The following DGKI variants were observed in gnomAD, a reference collection of about 807,000 sequenced individuals.
The protein encoded by DGKI is diacylglycerol kinase iota.
In DGKI, 55 loss-of-function variants were observed where a neutral mutation model predicts 147.5. That is an observed-to-expected ratio of 0.37 (90% CI 0.30 to 0.47). The LOEUF is 0.47. Among genes scored for constraint, DGKI ranks in the 20% least tolerant of loss-of-function variants. DGKI has a pLI of 1.00. For synonymous variants in DGKI, 469 were observed against 477.1 expected (o/e 0.98, Z 0.22); for missense variants, 1,007 against 1,323.8 (o/e 0.76, Z 3.71).
At chr7:137,467,045 G>T in intron 24 of DGKI, 103 bp from the exon 25 acceptor site, 1 of 1,052,246 alleles carries the variant, frequency 9.5e-7, no homozygotes, top group Non-Finnish European at 1.5e-6. Context: ...CTACATGGCA[G>T]TCATGCTAGT....
chr7:137,795,411 C>G (rs1253851446), intron 1 of DGKI, among the ~76,000 whole-genome samples: 1 of 152,188 alleles, frequency 6.6e-6, no homozygotes, highest in Non-Finnish European at 1.5e-5. Flanking sequence ...CTGGGAAATT[C>G]TCATTCACAT....
intron 28 of DGKI, 145 bp from the exon 29 acceptor site, chr7:137,412,352 G>A (rs562878010): frequency 2.7e-6 from 2 of 750,440 alleles, no homozygotes; most frequent in South Asian, 3.2e-5. Context: ...AGCAGACCGA[G>A]GCCCCCTCTT....
chr7:137,405,291 G>A (rs1200923888), intron 30 of DGKI, among the ~76,000 whole-genome samples: 9 of 152,026 alleles, frequency 5.9e-5, no homozygotes, highest in Admixed American at 5.9e-4. Flanking sequence ...AGCTGCCCAG[G>A]CTGGAGTGCA....
chr7:137,798,574 C>T lies in DGKI; in HGVS notation c.401+47888G>A, dbSNP rs551082630. On this transcript the variant is annotated intron_variant, in intron 1 of 32. Transcript: ENST00000614521. The stretch of plus-strand genomic sequence containing the variant: ...GTAGCTGGCCACAGGTGTGCACCAT[C>T]ACGCCTAGCTAATTTTTGTATTTTT... Among the ~76,000 whole-genome samples, 110 of 152,198 alleles carry T rather than the reference C, an allele frequency of 7.2e-4. 2 individuals are homozygous for T. Among genetic ancestry groups the T allele is most frequent in the Middle Eastern group, 3.4e-3 (1 of 294 alleles).
chr7:137,615,498 T>C (rs1436635686), intron 8 of DGKI, among the ~76,000 whole-genome samples: 1 of 151,448 alleles, frequency 6.6e-6, no homozygotes, highest in South Asian at 2.1e-4. Flanking sequence ...TGATAGAATA[T>C]AGATACATAT....
At position 137,599,879 on chromosome 7, in the gene DGKI, C is replaced by A; in HGVS notation, c.1194G>T (p.Met398Ile). The A allele has an allele frequency of 6.2e-7, 1 of 1,613,860 alleles. No homozygotes were observed. Among genetic ancestry groups the A allele is most frequent in the Admixed American group, 1.7e-5 (1 of 60,028 alleles). ...NQGTKVLQMF[M>I]WYLNPRQVFD... is the part of the protein sequence containing the mutation. ...AGACTTGCCGTGGATTCAGGTACCA[C>A]ATGAACATCTGCAGGACTTTGGTTC... The change falls in exon 11 of 33, where the codon ATG becomes ATT. Residue 398 changes from methionine (M) to isoleucine (I), a missense_variant. Met to Ile is a conservative substitution (Grantham distance 10). Coordinates refer to ENST00000614521, the MANE Select transcript of DGKI (RefSeq NM_001321708.2).
At chr7:137,780,109 CA>C (rs1370063813) in intron 1 of DGKI, among the ~76,000 whole-genome samples, 1 of 152,168 alleles carries the variant, frequency 6.6e-6, no homozygotes, top group African/African-American at 2.4e-5. Context: ...TGTATTCTTA[CA>C]AACACTGTTT....
At chr7:137,793,915 A>G (rs962032812) in intron 1 of DGKI, among the ~76,000 whole-genome samples, 2 of 152,240 alleles carry the variant, frequency 1.3e-5, no homozygotes, top group African/African-American at 4.8e-5. Context: ...AAATTTAAAT[A>G]CAAACTCCTA....
intron 19 of DGKI, among the ~76,000 whole-genome samples, chr7:137,563,339 A>C (rs2128972232): frequency 6.6e-6 from 1 of 152,138 alleles, no homozygotes; most frequent in Admixed American, 6.5e-5. Flanking sequence ...CCATGTAATC[A>C]GGAACAATAC....
intron 13 of DGKI, 39 bp from the exon 14 acceptor site, chr7:137,585,385 G>A: frequency 3.1e-6 from 5 of 1,596,964 alleles, no homozygotes; most frequent in Non-Finnish European, 4.3e-6. Context: ...TGTCCAGAGT[G>A]GAGAACAGTG....
intron 21 of DGKI, among the ~76,000 whole-genome samples, chr7:137,521,181 C>G (rs1307736191): frequency 6.6e-6 from 1 of 151,988 alleles, no homozygotes; most frequent in Non-Finnish European, 1.5e-5. Context: ...AATTATTATA[C>G]AGACAGATTT....
chr7:137,750,972 G>GATCTGAAAAAACTAGA (rs1219632967), intron 1 of DGKI, among the ~76,000 whole-genome samples: 3 of 152,126 alleles, frequency 2.0e-5, no homozygotes, highest in Admixed American at 2.0e-4. Context: ...CTCGGCCCCC[G>GATCTGAAAAAACTAGA]TCTTTTCAGC....
chr7:137,623,405 G>C lies in DGKI; in HGVS notation c.876+78C>G, dbSNP rs981880508. The C allele has an allele frequency of 4.4e-6, 6 of 1,374,402 alleles. No individual in the cohort carries two copies. The African/African-American group carries it at 7.1e-5, about 16-fold the overall frequency. 85.1% of individuals were successfully genotyped at this position (1,374,402 alleles called of 1,614,324 possible). ...AAATTAGGAATGCCTTCTACTTCCA[G>C]GGAGAAACTCAAATAATGACACAAG... On this transcript the variant is annotated intron_variant, in intron 7 of 32. Transcript: ENST00000614521.
Position 137,385,110 on chromosome 7 carries a change from A to G in DGKI, c.*6110T>C, listed in dbSNP as rs184860391. The G allele has an allele frequency of 6.6e-6, 1 of 152,124 alleles. No homozygotes were observed. The highest frequency in any genetic ancestry group is 2.4e-5 in the African/African-American group (1 of 41,428). The allele number at this position is 152,124 out of a possible 1,614,324, so 9.4% of individuals were successfully genotyped here. A position where few individuals can be genotyped will look rare whatever the true frequency, so the allele number is the denominator to read the frequency against. ...ACTTTTTTATATTGGATGGACAGTA[A>G]GACAGATTTCTAATAGAATTTTACT... On this transcript the variant is annotated 3_prime_UTR_variant, in exon 33 of 33. Coordinates refer to ENST00000614521, the MANE Select transcript of DGKI (RefSeq NM_001321708.2).
chr7:137,619,857 C>A lies in DGKI; in HGVS notation c.960G>T (p.Pro320=), dbSNP rs199577075. 1.9e-6 allele frequency: 3 copies of A among 1,613,570 alleles called. 1 individual carries two copies. The highest frequency in any genetic ancestry group is 2.2e-5 in the South Asian group (2 of 91,056). The change falls in exon 8 of 33, where the codon CCG becomes CCT. Residue 320 remains proline, a synonymous_variant. Transcript: ENST00000614521. ...TCTTCACCTTAATGATCCAAGTGGG[C>A]GGGACAATAACAGCAGCATGAGCCC... ...SLGAHAAVIV[P]PTWIIKVKKP...
intron 3 of DGKI, among the ~76,000 whole-genome samples, chr7:137,667,870 C>T (rs1822697665): frequency 6.6e-6 from 1 of 152,172 alleles, no homozygotes; most frequent in Non-Finnish European, 1.5e-5. Flanking sequence ...CCGCCCATTT[C>T]ATTTTTTAAT....
intron 21 of DGKI, among the ~76,000 whole-genome samples, chr7:137,490,499 G>C (rs923844815): frequency 6.6e-5 from 10 of 152,090 alleles, no homozygotes; most frequent in Non-Finnish European, 1.5e-4. Context: ...GTACTACAAG[G>C]ATTAGCTAGC....
chr7:137,584,408 C>T (rs1289713117), intron 14 of DGKI, among the ~76,000 whole-genome samples: 1 of 152,224 alleles, frequency 6.6e-6, no homozygotes, highest in Non-Finnish European at 1.5e-5. Context: ...AAAGGACCAA[C>T]TGAAGGCTCA....
At chr7:137,503,612 C>T (rs1816261184) in intron 21 of DGKI, among the ~76,000 whole-genome samples, 1 of 152,072 alleles carries the variant, frequency 6.6e-6, no homozygotes, top group Admixed American at 6.6e-5. Flanking sequence ...ATTCTCATAC[C>T]ATTCATTTTA....
Sources: gnomAD v4.1 joint callset for allele counts (sites outside exome capture counted in the v4.1 genomes callset) on GRCh38, gnomAD v4.1.1 for gene constraint, MANE v1.5 for transcripts, NCBI Gene and HGNC (gene_info 2026-07-23, HGNC 2026-07-21) for gene names.